The following CDH8 variants were observed in gnomAD, a reference collection of about 807,000 sequenced individuals.
CDH8 encodes the protein cadherin 8.
A neutral mutation model predicts 68.1 loss-of-function variants in CDH8; 17 were observed. The observed-to-expected ratio is 0.25, with a 90% CI of 0.17 to 0.37. The LOEUF (loss-of-function observed/expected upper bound fraction) is 0.37, where lower values mean the gene tolerates loss of function less well. Among genes scored for constraint, CDH8 ranks in the 10% least tolerant of loss-of-function variants. The probability of loss-of-function intolerance (pLI) is 1.00; values close to 1 mark genes in which losing one functional copy is unlikely to be tolerated. For missense variants in CDH8, 763 were observed against 999.3 expected (o/e 0.76, Z 3.19); for synonymous variants, 372 against 365.1 (o/e 1.02, Z -0.21).
intron 3 of CDH8, 124 bp downstream of exon 3, chr16:61,901,055 G>T: frequency 2.2e-6 from 2 of 907,014 alleles, no homozygotes; most frequent in Non-Finnish European, 3.3e-6. Flanking sequence ...AGGGGGATTT[G>T]GAAATGCAAA....
At chr16:61,808,896 C>T (rs1432046134) in intron 7 of CDH8, among the ~76,000 whole-genome samples, 1 of 152,106 alleles carries the variant, frequency 6.6e-6, no homozygotes, top group Non-Finnish European at 1.5e-5. Flanking sequence ...TCCAATAAGA[C>T]TTTACTAGAC....
At chr16:62,014,347 A>C (rs935433019) in intron 2 of CDH8, among the ~76,000 whole-genome samples, 1 of 152,206 alleles carries the variant, frequency 6.6e-6, no homozygotes, top group Non-Finnish European at 1.5e-5. Flanking sequence ...AACATTGGAC[A>C]AGAGGGAGCC....
At chr16:61,729,960 T>C (rs898763072) in intron 8 of CDH8, among the ~76,000 whole-genome samples, 3 of 151,170 alleles carry the variant, frequency 2.0e-5, no homozygotes, top group African/African-American at 7.3e-5. Flanking sequence ...TATTCTTTGT[T>C]TTCCTTATCT....
chr16:61,916,628 T>C (rs953517989), intron 2 of CDH8, among the ~76,000 whole-genome samples: 1 of 152,214 alleles, frequency 6.6e-6, no homozygotes, highest in Non-Finnish European at 1.5e-5. Flanking sequence ...TTTGTATTGA[T>C]TAGATATGCT....
intron 10 of CDH8, among the ~76,000 whole-genome samples, chr16:61,665,108 T>G (rs2142764350): frequency 6.6e-6 from 1 of 151,986 alleles, no homozygotes; most frequent in South Asian, 2.1e-4. Context: ...GTCATAATGG[T>G]GAGGCTCTAA....
chr16:61,704,367 A>T (rs867484995), intron 10 of CDH8, among the ~76,000 whole-genome samples: 8 of 152,354 alleles, frequency 5.3e-5, no homozygotes, highest in South Asian at 2.1e-4. Context: ...ATTTTATTTT[A>T]TGAAAATGAT....
intron 2 of CDH8, among the ~76,000 whole-genome samples, chr16:61,981,409 T>C (rs1965526039): frequency 6.6e-6 from 1 of 152,206 alleles, no homozygotes; most frequent in Non-Finnish European, 1.5e-5. Context: ...ATTTCTTAGT[T>C]CCACGGGCTT....
intron 8 of CDH8, among the ~76,000 whole-genome samples, chr16:61,771,486 A>C (rs895340608): frequency 1.7e-4 from 26 of 151,672 alleles, no homozygotes; most frequent in African/African-American, 4.3e-4. Context: ...AAAAAAAAAA[A>C]AAAAAAACTT....
At chr16:61,654,292 C>A (rs1365929831) in intron 11 of CDH8, among the ~76,000 whole-genome samples, 191 bp from the exon 12 acceptor site, 2 of 152,016 alleles carry the variant, frequency 1.3e-5, no homozygotes, top group East Asian at 1.9e-4. Context: ...AAATACTGTT[C>A]CAGATTATTG....
At chr16:61,823,669 T>C (rs1962265663) in intron 5 of CDH8, among the ~76,000 whole-genome samples, 1 of 151,920 alleles carries the variant, frequency 6.6e-6, no homozygotes, top group African/African-American at 2.4e-5. Flanking sequence ...CAAGCTGCAA[T>C]TTAAAATCTT....
At chr16:61,959,058 T>C (rs1251804644) in intron 2 of CDH8, among the ~76,000 whole-genome samples, 1 of 152,150 alleles carries the variant, frequency 6.6e-6, no homozygotes, top group African/African-American at 2.4e-5. Flanking sequence ...ACTTCTGATT[T>C]TCCTTCAAAA....
At chr16:61,807,140 C>T (rs1317320347) in intron 7 of CDH8, among the ~76,000 whole-genome samples, 1 of 149,610 alleles carries the variant, frequency 6.7e-6, no homozygotes, top group Non-Finnish European at 1.5e-5. Flanking sequence ...TACTATGCAG[C>T]CATAAAAAAT....
chr16:61,863,306 A>T (rs1963188598), intron 3 of CDH8, among the ~76,000 whole-genome samples: 2 of 152,160 alleles, frequency 1.3e-5, no homozygotes, highest in Admixed American at 1.3e-4. Flanking sequence ...CATTAGCAGC[A>T]GGACCCATTT....
At position 61,901,327 on chromosome 16, in the gene CDH8, G is replaced by T. The variant is rs755465111; in HGVS notation, c.399C>A (p.Thr133=). The change falls in exon 3 of 12, where the codon ACC becomes ACA. Residue 133 remains threonine (T), a synonymous_variant. Transcript: ENST00000577390. Reference sequence around the variant, plus strand: ...CCCAGTCCACTGCTTGAGCTGTTAGGGTATACTCAGCCTTTTCCTCCCGGT... The same window carrying T: ...CCCAGTCCACTGCTTGAGCTGTTAGTGTATACTCAGCCTTTTCCTCCCGGT... ...RLDREEKAEY[T]LTAQAVDWET... 3.1e-6 allele frequency: 5 copies of T among 1,613,796 alleles called. No individual in the cohort carries two copies. Among genetic ancestry groups the T allele is most frequent in the Non-Finnish European group, 4.2e-6 (5 of 1,179,924 alleles).
At chr16:61,878,839 G>T (rs994215625) in intron 3 of CDH8, among the ~76,000 whole-genome samples, 3 of 152,154 alleles carry the variant, frequency 2.0e-5, no homozygotes, top group Non-Finnish European at 4.4e-5. Flanking sequence ...AGTCGAATTT[G>T]CATGTTTAAT....
chr16:61,832,330 T>TG (rs1962474051), intron 4 of CDH8, among the ~76,000 whole-genome samples: 2 of 128,842 alleles, frequency 1.6e-5, no homozygotes, highest in Non-Finnish European at 3.4e-5. Context: ...GACAGATAGA[T>TG]AATAGATAGA....
chr16:61,737,298 T>C (rs926059592), intron 8 of CDH8, among the ~76,000 whole-genome samples: 1 of 152,118 alleles, frequency 6.6e-6, no homozygotes, highest in Non-Finnish European at 1.5e-5. Context: ...GCACAATAAA[T>C]AATTCTTGAG....
chr16:62,033,189 G>A (rs1902369340), intron 1 of CDH8, among the ~76,000 whole-genome samples: 1 of 152,118 alleles, frequency 6.6e-6, no homozygotes, highest in Non-Finnish European at 1.5e-5. Context: ...CTGTTTGTTT[G>A]TTTTGTTTTA....
At chr16:61,715,900 A>G (rs1205684163) in intron 9 of CDH8, among the ~76,000 whole-genome samples, 1 of 151,682 alleles carries the variant, frequency 6.6e-6, no homozygotes, top group African/African-American at 2.4e-5. Flanking sequence ...CTGGATTTTC[A>G]TGTTAAAAAG....
Sources: allele counts gnomAD v4.1 joint callset (sites outside exome capture counted in the v4.1 genomes callset), GRCh38; gene constraint gnomAD v4.1.1; transcripts MANE v1.5; gene names NCBI Gene and HGNC (gene_info 2026-07-23, HGNC 2026-07-21).